The following RPGR variants were observed in gnomAD, a reference collection of about 807,000 sequenced individuals.
The protein encoded by RPGR is X-linked retinitis pigmentosa GTPase regulator.
A neutral mutation model predicts 56.3 loss-of-function variants in RPGR; 10 were observed. That is an observed-to-expected ratio of 0.18 (90% confidence interval 0.11 to 0.30). The LOEUF (loss-of-function observed/expected upper bound fraction) is 0.30, where lower values mean the gene tolerates loss of function less well. Ranked by LOEUF, RPGR falls within the 10% of genes least tolerant of loss-of-function variation. The pLI is 1.00. For synonymous variants in RPGR, 197 were observed against 212.9 expected (o/e 0.93, Z 0.65); for missense variants, 538 against 590.9 (o/e 0.91, Z 0.93).
chrX:38,314,136 C>T lies in RPGR; in HGVS notation c.619+3180G>A, dbSNP rs142220711. Among the ~76,000 whole-genome samples, 678 of 111,310 alleles carry T rather than the reference C, an allele frequency of 6.1e-3. 4 individuals carry two copies. The highest frequency in any genetic ancestry group is 0.021 in the African/African-American group (640 of 30,570). Reference sequence around the variant, plus strand: ...TGTGATGGGCGGCATTCTAAGCCATCCTAGGCTGCGGGTTGGACGAGCTTG... The same window carrying T: ...TGTGATGGGCGGCATTCTAAGCCATTCTAGGCTGCGGGTTGGACGAGCTTG... On this transcript the variant is annotated intron_variant, in intron 6 of 18. Coordinates refer to ENST00000642395, the MANE Select transcript of RPGR (RefSeq NM_000328.3).
chrX:38,278,520 C>T (rs770075135), intron 15 of RPGR, among the ~76,000 whole-genome samples: 12 of 112,476 alleles, frequency 1.1e-4, no homozygotes, highest in Non-Finnish European at 1.9e-4. Context: ...GGATTACAAG[C>T]GTGAGCCACC....
intron 13 of RPGR, among the ~76,000 whole-genome samples, chrX:38,289,499 T>C (rs910750416): frequency 8.9e-6 from 1 of 112,214 alleles, no homozygotes; most frequent in Non-Finnish European, 1.9e-5. Flanking sequence ...AACAAGCTAA[T>C]GGATGCAAAT....
intron 8 of RPGR, among the ~76,000 whole-genome samples, chrX:38,302,373 C>CAG (rs2067517435): frequency 9.0e-6 from 1 of 111,104 alleles, no homozygotes. Flanking sequence ...ATCTTCCAGG[C>CAG]AGAGTCAGCA....
intron 4 of RPGR, 112 bp downstream of exon 4, chrX:38,320,915 A>G (rs1026592745): frequency 8.3e-6 from 5 of 600,658 alleles, no homozygotes; most frequent in African/African-American, 6.8e-5. Context: ...AAAAAACCCT[A>G]ATTTTACTGT....
intron 13 of RPGR, 138 bp downstream of exon 13, chrX:38,290,821 C>T (rs1321145978): frequency 2.4e-5 from 5 of 208,031 alleles, no homozygotes; most frequent in Non-Finnish European, 4.7e-5. Flanking sequence ...TGGAGGTTAT[C>T]TACATTGTAT....
intron 6 of RPGR, among the ~76,000 whole-genome samples, chrX:38,315,562 A>T (rs1382971341): frequency 9.0e-6 from 1 of 111,542 alleles, no homozygotes; most frequent in Admixed American, 9.6e-5. Context: ...ACCAAAGGCT[A>T]GAAAGGGTAG....
intron 8 of RPGR, chrX:38,303,633 T>C (rs2067543328): frequency 7.0e-6 from 2 of 286,339 alleles, no homozygotes; most frequent in East Asian, 9.9e-5. Context: ...ATATTCTATA[T>C]AATGCTATTT....
chrX:38,300,396 T>C (rs2067481364), intron 9 of RPGR, among the ~76,000 whole-genome samples: 2 of 111,847 alleles, frequency 1.8e-5, no homozygotes, highest in East Asian at 2.8e-4. Context: ...ATCAAGTAAA[T>C]AGAATTTTCA....
At chrX:38,296,833 T>C (rs1309422286) in intron 11 of RPGR, among the ~76,000 whole-genome samples, 1 of 112,074 alleles carries the variant, frequency 8.9e-6, no homozygotes, top group Non-Finnish European at 1.9e-5. Flanking sequence ...AACCGCTATG[T>C]TATACTGCCT....
At chrX:38,327,245 G>A in intron 1 of RPGR, 95 bp downstream of exon 1, 2 of 921,057 alleles carry the variant, frequency 2.2e-6, no homozygotes, top group African/African-American at 3.9e-5. Context: ...CCAAGCCTGG[G>A]GCCTGTCCCC....
intron 4 of RPGR, 48 bp from the exon 5 acceptor site, chrX:38,319,035 T>A (rs776891164): frequency 2.6e-6 from 3 of 1,158,297 alleles, no homozygotes; most frequent in Admixed American, 2.2e-5. Context: ...TCCCCCTTTT[T>A]ATGAGACAGG....
chrX:38,321,006 C>T (rs766334038), intron 4 of RPGR, 21 bp downstream of exon 4: 2 of 1,161,253 alleles, frequency 1.7e-6, no homozygotes, highest in South Asian at 3.6e-5. Context: ...GGCAGGAAAT[C>T]ATACAGGTTG....
intron 18 of RPGR, among the ~76,000 whole-genome samples, chrX:38,271,481 A>G (rs968211719): frequency 8.9e-6 from 1 of 112,398 alleles, no homozygotes; most frequent in Non-Finnish European, 1.9e-5. Context: ...CTGCTGACTC[A>G]TAACTTAGAC....
Position 38,310,679 on chromosome X carries a change from C to A in RPGR, c.714G>T (p.Val238=). 2 of 1,211,322 alleles carry A rather than the reference C, an allele frequency of 1.7e-6. No homozygotes were observed. Among genetic ancestry groups the A allele is most frequent in the Non-Finnish European group, 2.2e-6 (2 of 895,269 alleles). The change falls in exon 7 of 19, where the codon GTG becomes GTT. Residue 238 remains valine (V), a synonymous_variant. Coordinates refer to ENST00000642395, the MANE Select transcript of RPGR (RefSeq NM_000328.3). ...GGATCACCTTCTCCGGAATTTCAGACACCAGCTGGGGTGTTCTGTGATTGC... is the reference window on the plus strand; with the variant it reads ...GGATCACCTTCTCCGGAATTTCAGAAACCAGCTGGGGTGTTCTGTGATTGC...
intron 8 of RPGR, chrX:38,303,612 T>C: frequency 3.5e-6 from 1 of 282,300 alleles, no homozygotes; most frequent in Non-Finnish European, 6.2e-6. Context: ...GATGAATGAA[T>C]AATACTTTTC....
chrX:38,316,255 G>A (rs1037055200), intron 6 of RPGR, among the ~76,000 whole-genome samples: 3 of 109,803 alleles, frequency 2.7e-5, no homozygotes, highest in African/African-American at 1.0e-4. Flanking sequence ...TGTAGGGTAT[G>A]TGAATTATAT....
At chrX:38,284,976 T>C (rs938260735) in intron 15 of RPGR, 2 of 756,189 alleles carry the variant, frequency 2.6e-6, no homozygotes, top group Non-Finnish European at 3.1e-6. Context: ...TGTCACTTTG[T>C]AGATTTTTGC....
In RPGR at chrX:38,276,617, A is replaced by T; in HGVS notation, c.2061T>A (p.Asn687Lys). The T allele has an allele frequency of 8.3e-7, 1 of 1,211,155 alleles. No individual in the cohort carries two copies. Among genetic ancestry groups the T allele is most frequent in the Non-Finnish European group, 1.1e-6 (1 of 895,231 alleles). The change falls in exon 16 of 19, where the codon AAT becomes AAA. Residue 687 changes from asparagine (N) to lysine (K), a missense_variant. Asn to Lys is a moderately conservative substitution (Grantham distance 94). Coordinates refer to ENST00000642395, the MANE Select transcript of RPGR (RefSeq NM_000328.3). Reference sequence around the variant, plus strand: ...CAATAGTTTCAGCTGAGCTATCATCATTGGTTCTTTCTGCTCCTTCTGTTT... The same window carrying T: ...CAATAGTTTCAGCTGAGCTATCATCTTTGGTTCTTTCTGCTCCTTCTGTTT...
chrX:38,286,390 T>C lies in RPGR; in HGVS notation c.1905+704A>G, dbSNP rs1343966503. 1.1e-6 allele frequency: 1 copy of C among 893,740 alleles called. No individual in the cohort carries two copies. Among genetic ancestry groups the C allele is most frequent in the Admixed American group, 4.6e-5 (1 of 21,654 alleles). The allele number at this position is 893,740 out of a possible 1,213,427, so 73.7% of individuals were successfully genotyped here. On this transcript the variant is annotated intron_variant, in intron 15 of 18. Transcript: ENST00000642395. The stretch of plus-strand genomic sequence containing the variant: ...CCCCTCCCCTTCTCCTTCCTCCCCT[T>C]CTTCCTCCCCTTCTCCTTCTTCCCC...
Sources: gnomAD v4.1 joint callset for allele counts (sites outside exome capture counted in the v4.1 genomes callset) on GRCh38, gnomAD v4.1.1 for gene constraint, MANE v1.5 for transcripts, NCBI Gene and HGNC (gene_info 2026-07-23, HGNC 2026-07-21) for gene names.